CHCHD6: variants seen among roughly 807,000 people sequenced by gnomAD.
CHCHD6 encodes coiled-coil-helix-coiled-coil-helix domain containing 6, also known as MICOS complex subunit MIC25.
A neutral mutation model predicts 32.3 loss-of-function variants in CHCHD6; 28 were observed. The observed-to-expected ratio is 0.87, with a 90% CI of 0.64 to 1.19. The LOEUF (loss-of-function observed/expected upper bound fraction) is 1.19, where lower values mean the gene tolerates loss of function less well. Among genes scored for constraint, CHCHD6 ranks in the 50% most tolerant of loss-of-function variants. CHCHD6 has a pLI of 0.00. For synonymous variants in CHCHD6, 122 were observed against 117.5 expected (o/e 1.04, Z -0.25); for missense variants, 333 against 307.0 (o/e 1.08, Z -0.63).
intron 4 of CHCHD6, among the ~76,000 whole-genome samples, chr3:126,831,639 G>A (rs984252685): frequency 1.3e-5 from 2 of 152,284 alleles, no homozygotes; most frequent in Middle Eastern, 6.8e-3. Context: ...GCGTGTTTAC[G>A]GTTGGACTCA....
At chr3:126,827,420 G>A (rs1051710196) in intron 4 of CHCHD6, among the ~76,000 whole-genome samples, 1 of 152,344 alleles carries the variant, frequency 6.6e-6, no homozygotes, top group African/African-American at 2.4e-5. Context: ...ATTCAGGAGT[G>A]TGTAGCAGGA....
intron 4 of CHCHD6, among the ~76,000 whole-genome samples, chr3:126,734,173 C>T (rs1477074627): frequency 1.3e-5 from 2 of 152,198 alleles, no homozygotes; most frequent in East Asian, 1.9e-4. Flanking sequence ...CTAAGCCAGT[C>T]CTCAGCAGAG....
chr3:126,864,538 C>CACCA, intron 5 of CHCHD6, among the ~76,000 whole-genome samples: 1 of 150,856 alleles, frequency 6.6e-6, no homozygotes, highest in African/African-American at 2.4e-5. Flanking sequence ...CCTCCTCCTC[C>CACCA]TTCTCCACCT....
intron 4 of CHCHD6, among the ~76,000 whole-genome samples, chr3:126,786,264 T>G (rs1938207202): frequency 6.6e-6 from 1 of 152,218 alleles, no homozygotes; most frequent in South Asian, 2.1e-4. Context: ...TCTTTGCTAT[T>G]GTGAATGGTG....
intron 4 of CHCHD6, among the ~76,000 whole-genome samples, chr3:126,837,185 A>G (rs572846197): frequency 8.5e-5 from 13 of 152,270 alleles, no homozygotes; most frequent in African/African-American, 3.1e-4. Flanking sequence ...GATGAAGCCC[A>G]TTACTTTAAA....
intron 4 of CHCHD6, among the ~76,000 whole-genome samples, chr3:126,772,413 C>G (rs912489734): frequency 3.3e-5 from 5 of 152,154 alleles, no homozygotes; most frequent in African/African-American, 1.2e-4. Flanking sequence ...CCTTATGAAC[C>G]TGGGTGCTCC....
chr3:126,778,467 T>G (rs1937762674), intron 4 of CHCHD6, among the ~76,000 whole-genome samples: 1 of 152,240 alleles, frequency 6.6e-6, no homozygotes, highest in Admixed American at 6.5e-5. Context: ...CTAGTGGATG[T>G]GATGTGGTAT....
intron 4 of CHCHD6, among the ~76,000 whole-genome samples, chr3:126,774,823 A>G (rs1937606748): frequency 6.6e-6 from 1 of 152,188 alleles, no homozygotes; most frequent in South Asian, 2.1e-4. Flanking sequence ...TTTACTGTCT[A>G]AATTTGACTG....
At chr3:126,882,298 G>C (rs2077621371) in intron 5 of CHCHD6, among the ~76,000 whole-genome samples, 1 of 152,166 alleles carries the variant, frequency 6.6e-6, no homozygotes. Context: ...TAACCTCTCT[G>C]AGCCTCTGTT....
chr3:126,947,220 G>A (rs576678485), intron 6 of CHCHD6, among the ~76,000 whole-genome samples: 5 of 152,312 alleles, frequency 3.3e-5, no homozygotes, highest in Admixed American at 2.0e-4. Context: ...ATGACAGGAC[G>A]CTTCCGCTCA....
intron 4 of CHCHD6, among the ~76,000 whole-genome samples, chr3:126,787,395 A>C (rs902698204): frequency 6.6e-6 from 1 of 152,188 alleles, no homozygotes; most frequent in African/African-American, 2.4e-5. Flanking sequence ...GATGGCATTG[A>C]ATCTATAAGT....
intron 5 of CHCHD6, among the ~76,000 whole-genome samples, chr3:126,855,873 A>G (rs746004640): frequency 6.6e-6 from 1 of 152,248 alleles, no homozygotes; most frequent in Non-Finnish European, 1.5e-5. Flanking sequence ...ATACAGGGAC[A>G]GTCCAGTGGC....
rs182980438 is a variant in CHCHD6, at chr3:126,779,321, G to A, written c.411+46099G>A. 5.5e-4 allele frequency among the ~76,000 whole-genome samples: 84 copies of A among 152,060 alleles called. 1 individual carries two copies. Among genetic ancestry groups the A allele is most frequent in the African/African-American group, 1.9e-3 (78 of 41,492 alleles). ...TGGAACACCAAGGCAGGTGGATCAC[G>A]AGGTCAGGAGTTTGAGACCAGCCTG... On this transcript the variant is annotated intron_variant, in intron 4 of 7. Transcript: ENST00000290913.
intron 5 of CHCHD6, among the ~76,000 whole-genome samples, chr3:126,910,282 A>AAAAAAC (rs1559917082): frequency 6.6e-6 from 1 of 151,494 alleles, no homozygotes; most frequent in African/African-American, 2.4e-5. Context: ...GGAAAAAAAA[A>AAAAAAC]AAAACAAAAA....
At position 126,819,526 on chromosome 3, in the gene CHCHD6, G is replaced by A. The variant is rs139838030; in HGVS notation, c.412-33121G>A. ...AGTCCTGAGTGTCCTATCCCTCAGC[G>A]TCAGACCGTAGTTCATAGCCAGGCA... On this transcript the variant is annotated intron_variant, in intron 4 of 7. Coordinates refer to ENST00000290913, the MANE Select transcript of CHCHD6 (RefSeq NM_032343.3). Among the ~76,000 whole-genome samples the A allele has an allele frequency of 5.2e-3, 797 of 152,310 alleles. 4 individuals are homozygous for A. The highest frequency in any genetic ancestry group is 5.7e-3 in the Non-Finnish European group (389 of 68,032).
At chr3:126,909,122 C>T (rs764896062) in intron 5 of CHCHD6, among the ~76,000 whole-genome samples, 2 of 152,226 alleles carry the variant, frequency 1.3e-5, no homozygotes, top group African/African-American at 4.8e-5. Context: ...CTGTGCACAC[C>T]GTAGGCCGTG....
chr3:126,912,479 G>A (rs2078105271), intron 5 of CHCHD6, among the ~76,000 whole-genome samples: 1 of 152,252 alleles, frequency 6.6e-6, no homozygotes, highest in South Asian at 2.1e-4. Flanking sequence ...AGGAGAACCT[G>A]TATTTATTTC....
At chr3:126,767,989 G>T (rs878863457) in intron 4 of CHCHD6, among the ~76,000 whole-genome samples, 1 of 152,142 alleles carries the variant, frequency 6.6e-6, no homozygotes, top group Non-Finnish European at 1.5e-5. Flanking sequence ...TGTTTATCCA[G>T]TGTACCATGG....
intron 6 of CHCHD6, among the ~76,000 whole-genome samples, chr3:126,945,477 A>G (rs2078622477): frequency 7.1e-6 from 1 of 141,322 alleles, no homozygotes; most frequent in Non-Finnish European, 1.5e-5. Flanking sequence ...GAAAGTCGGG[A>G]ACAGGGAGAC....
Sources: gnomAD v4.1 joint callset for allele counts (sites outside exome capture counted in the v4.1 genomes callset) on GRCh38, gnomAD v4.1.1 for gene constraint, MANE v1.5 for transcripts, NCBI Gene and HGNC (gene_info 2026-07-23, HGNC 2026-07-21) for gene names.